Variants in SPON1 observed in about 807,000 individuals in gnomAD.
SPON1 encodes the protein spondin 1, also known as spondin-1.
SPON1 carries 52 observed loss-of-function variants against 111.7 expected under a neutral mutation model. That is an observed-to-expected ratio of 0.47 (90% CI 0.37 to 0.59). The LOEUF is 0.59. SPON1 is among the 20% of genes least tolerant of loss of function. The pLI is 0.00. For synonymous variants in SPON1, 410 were observed against 395.8 expected, an observed-to-expected ratio of 1.04 and a Z score of -0.43; for missense variants, 957 against 1,068.5, an observed-to-expected ratio of 0.90 and a Z score of 1.46.
rs75845698 is a variant in SPON1, at chr11:14,150,987, G to T, written c.825+15419G>T. ...GTTACGTTCTCTGTGTCTGAGGATG[G>T]ACTCATTAACTGATCATGTTAGGAA... On this transcript the variant is annotated intron_variant, in intron 6 of 15. Transcript: ENST00000576479. Among the ~76,000 whole-genome samples, 85 of 152,314 alleles carry T rather than the reference G, an allele frequency of 5.6e-4. No individual in the cohort carries two copies. The East Asian group carries it at 0.014, about 25-fold the overall frequency.
At chr11:14,253,355 C>T (rs1252641392) in intron 7 of SPON1, among the ~76,000 whole-genome samples, 1 of 152,228 alleles carries the variant, frequency 6.6e-6, no homozygotes, top group Non-Finnish European at 1.5e-5. Flanking sequence ...TGTCTGCAAG[C>T]TAGCTCATTT....
In SPON1 at chr11:14,011,497, T is replaced by C. The variant is rs116337240; in HGVS notation, c.345+28544T>C. Among the ~76,000 whole-genome samples the C allele has an allele frequency of 5.3e-3, 801 of 152,238 alleles. 9 individuals are homozygous for C. The highest frequency in any genetic ancestry group is 0.018 in the African/African-American group (740 of 41,536). On this transcript the variant is annotated intron_variant, in intron 2 of 15. Coordinates refer to ENST00000576479, the MANE Select transcript of SPON1 (RefSeq NM_006108.4). The stretch of plus-strand genomic sequence containing the variant: ...GACTCCCCCTATAGTTTAGGGGGCC[T>C]TCAGTCCACTCATGAGTGGATTCCT...
chr11:13,983,211 G>A (rs1204020651), intron 2 of SPON1, among the ~76,000 whole-genome samples: 4 of 152,246 alleles, frequency 2.6e-5, no homozygotes, highest in Admixed American at 2.6e-4. Context: ...TCCTTCAGCA[G>A]CCAAGCGTGG....
At chr11:14,121,093 A>C (rs1363926318) in intron 5 of SPON1, among the ~76,000 whole-genome samples, 1 of 152,212 alleles carries the variant, frequency 6.6e-6, no homozygotes, top group Non-Finnish European at 1.5e-5. Context: ...ACTGTGGGAG[A>C]CCACTTATAT....
At chr11:14,021,898 A>G (rs1280845694) in intron 2 of SPON1, among the ~76,000 whole-genome samples, 2 of 152,152 alleles carry the variant, frequency 1.3e-5, no homozygotes, top group Non-Finnish European at 2.9e-5. Context: ...CTTGCTCTTT[A>G]TTTGTAAAGA....
chr11:14,065,672 C>A (rs145245836), intron 3 of SPON1, among the ~76,000 whole-genome samples: 1 of 152,326 alleles, frequency 6.6e-6, no homozygotes, highest in East Asian at 1.9e-4. Flanking sequence ...GACATTCATG[C>A]CCTTCTGCGT....
At chr11:14,255,625 A>G (rs373637018) in intron 8 of SPON1, 22 bp from the exon 9 acceptor site, 8 of 1,610,920 alleles carry the variant, frequency 5.0e-6, no homozygotes, top group Non-Finnish European at 6.8e-6. Flanking sequence ...CTTACTCTCT[A>G]CCTCTGTATG....
chr11:14,067,268 C>T (rs1374361087), intron 3 of SPON1, among the ~76,000 whole-genome samples: 1 of 152,182 alleles, frequency 6.6e-6, no homozygotes, highest in Admixed American at 6.5e-5. Flanking sequence ...AGCCTGACTC[C>T]TCCTTTCCTC....
intron 5 of SPON1, among the ~76,000 whole-genome samples, chr11:14,088,227 A>G (rs1849022237): frequency 6.6e-6 from 1 of 152,126 alleles, no homozygotes; most frequent in Non-Finnish European, 1.5e-5. Context: ...TCATAGTGTC[A>G]TTGATCTTTA....
intron 2 of SPON1, among the ~76,000 whole-genome samples, chr11:13,986,908 G>A (rs1848189927): frequency 6.6e-6 from 1 of 151,990 alleles, no homozygotes; most frequent in South Asian, 2.1e-4. Context: ...CTTTTTTATG[G>A]CTGCATAGTA....
At chr11:14,095,389 T>C (rs947817628) in intron 5 of SPON1, among the ~76,000 whole-genome samples, 1 of 150,450 alleles carries the variant, frequency 6.6e-6, no homozygotes, top group Non-Finnish European at 1.5e-5. Flanking sequence ...CAACAGGAGA[T>C]AGATAAATGA....
intron 6 of SPON1, among the ~76,000 whole-genome samples, chr11:14,238,739 T>C (rs1554939414): frequency 6.6e-6 from 1 of 152,160 alleles, no homozygotes; most frequent in Non-Finnish European, 1.5e-5. Context: ...AACTGTGAGG[T>C]ACAAGTACAG....
chr11:14,235,678 C>CAAAAAAAAAAAAAAA (rs56925967), intron 6 of SPON1, among the ~76,000 whole-genome samples: 7 of 71,390 alleles, frequency 9.8e-5, no homozygotes, highest in South Asian at 6.3e-4. Flanking sequence ...GACCCTGCCT[C>CAAAAAAAAAAAAAAA]AAAAAAAAAA....
At chr11:14,230,640 G>C (rs1848788549) in intron 6 of SPON1, among the ~76,000 whole-genome samples, 1 of 152,202 alleles carries the variant, frequency 6.6e-6, no homozygotes, top group Admixed American at 6.5e-5. Context: ...TCCTCCACAG[G>C]CAGGGTCAGC....
chr11:14,034,484 A>G (rs1554916407), intron 2 of SPON1, among the ~76,000 whole-genome samples: 2 of 152,198 alleles, frequency 1.3e-5, no homozygotes, highest in African/African-American at 2.4e-5. Context: ...CTGAGAAGCA[A>G]ACAATGTTTG....
At chr11:14,058,906 A>C (rs781848737) in intron 3 of SPON1, among the ~76,000 whole-genome samples, 1 of 152,230 alleles carries the variant, frequency 6.6e-6, no homozygotes, top group African/African-American at 2.4e-5. Context: ...CTAACTGTGT[A>C]GCCCAAGCTT....
chr11:14,058,900 CTG>C (rs1848768139), intron 3 of SPON1, among the ~76,000 whole-genome samples: 2 of 152,222 alleles, frequency 1.3e-5, no homozygotes, highest in African/African-American at 4.8e-5. Flanking sequence ...GACAGTCTAA[CTG>C]TGTAGCCCAA....
In SPON1 at chr11:14,047,143, AAT is replaced by A. The variant is rs575432339; in HGVS notation, c.479+5501_479+5502del. Among the ~76,000 whole-genome samples the A allele has an allele frequency of 5.9e-5, 9 of 151,818 alleles. No homozygotes were observed. The East Asian group carries it at 1.2e-3, about 19-fold the overall frequency. ...TAAATGATCATATCTTAAAATAATG[AAT>A]ATATATATATACCTTTTGTTTCTTT... On this transcript the variant is annotated intron_variant, in intron 3 of 15. Transcript: ENST00000576479.
At position 14,210,492 on chromosome 11, in the gene SPON1, G is replaced by A. The variant is rs1192993250; in HGVS notation, c.826-32840G>A. Among the ~76,000 whole-genome samples the A allele has an allele frequency of 4.6e-5, 7 of 151,300 alleles. No homozygotes were observed. The South Asian group carries it at 8.4e-4, about 18-fold the overall frequency. On this transcript the variant is annotated intron_variant, in intron 6 of 15. Coordinates refer to ENST00000576479, the MANE Select transcript of SPON1 (RefSeq NM_006108.4). ...CAGCTCACTGCAACCTCCACCACCC[G>A]GGTTCAAGCGATTCTCCTGCCTCAG...
Sources: gnomAD v4.1 joint callset for allele counts (sites outside exome capture counted in the v4.1 genomes callset) on GRCh38, gnomAD v4.1.1 for gene constraint, MANE v1.5 for transcripts, NCBI Gene and HGNC (gene_info 2026-07-23, HGNC 2026-07-21) for gene names.